The following C2orf72 variants were observed in gnomAD, a reference collection of about 807,000 sequenced individuals.
C2orf72 encodes chromosome 2 open reading frame 72, also known as uncharacterized protein C2orf72.
C2orf72 carries 16 observed loss-of-function variants against 14.4 expected under a neutral mutation model. The observed-to-expected ratio is 1.11, with a 90% CI of 0.75 to 1.69. C2orf72 has a LOEUF of 1.69. C2orf72 is among the 40% of genes most tolerant of loss of function. The pLI is 0.00. For synonymous variants in C2orf72, 168 were observed against 176.8 expected, an observed-to-expected ratio of 0.95 and a Z score of 0.40; for missense variants, 371 against 358.3, an observed-to-expected ratio of 1.04 and a Z score of -0.29.
intron 1 of C2orf72, 65 bp downstream of exon 1, chr2:231,038,264 G>A: frequency 8.8e-7 from 1 of 1,134,552 alleles, no homozygotes. Context: ...CCCCAAGTTG[G>A]ACCCCTTTGG....
rs143182070 is a variant in C2orf72, at chr2:231,043,181, C to T, written c.748+1772C>T. 2.1e-3 allele frequency among the ~76,000 whole-genome samples: 320 copies of T among 152,280 alleles called. 1 individual carries two copies. Among genetic ancestry groups the T allele is most frequent in the Non-Finnish European group, 3.5e-3 (237 of 68,012 alleles). On this transcript the variant is annotated intron_variant, in intron 2 of 2. Transcript: ENST00000373640. ...CCTCCTTCAATCAGCAGGAGAACCC[C>T]GCTCTCCAGTCTGCTAGGAGGGAGT...
intron 2 of C2orf72, among the ~76,000 whole-genome samples, chr2:231,041,877 C>T (rs1354070625): frequency 6.6e-6 from 1 of 152,010 alleles, no homozygotes; most frequent in East Asian, 1.9e-4. Context: ...CTTCGAGAGG[C>T]CCTGGGAGTG....
chr2:231,047,427 A>T lies in C2orf72; in HGVS notation c.*406A>T. ...GAAGAACTCTGAACCAGAAGTCATC[A>T]GAGCTGAGGCATGGCCTTGAACATG... On this transcript the variant is annotated 3_prime_UTR_variant, in exon 3 of 3. Transcript: ENST00000373640. The T allele has an allele frequency of 2.8e-6, 1 of 351,668 alleles. No individual in the cohort carries two copies. Among genetic ancestry groups the T allele is most frequent in the South Asian group, 2.2e-5 (1 of 46,338 alleles). 21.8% of individuals were successfully genotyped at this position (351,668 alleles called of 1,614,324 possible).
intron 2 of C2orf72, among the ~76,000 whole-genome samples, chr2:231,044,364 C>T (rs1485619022): frequency 6.6e-6 from 1 of 151,934 alleles, no homozygotes. Context: ...ATTTTTTGGC[C>T]AGGCATGATG....
At chr2:231,045,108 C>T (rs1693398186) in intron 2 of C2orf72, among the ~76,000 whole-genome samples, 1 of 151,612 alleles carries the variant, frequency 6.6e-6, no homozygotes, top group South Asian at 2.1e-4. Context: ...ACTAAAAATA[C>T]AAAAATTAGC....
At position 231,037,642 on chromosome 2, in the gene C2orf72, C is replaced by T. The variant is rs1319477211; in HGVS notation, c.77C>T (p.Ala26Val). 3.6e-6 allele frequency: 4 copies of T among 1,118,272 alleles called. No individual in the cohort carries two copies. The highest frequency in any genetic ancestry group is 4.4e-6 in the Non-Finnish European group (4 of 911,816). The allele number at this position is 1,118,272 out of a possible 1,614,324, so 69.3% of individuals were successfully genotyped here. ...AEPPFQALVEAAGGRGQVLLV... is the reference protein window; with the variant it reads ...AEPPFQALVEVAGGRGQVLLV... Reference sequence around the variant, plus strand: ...CCGCCCTTCCAGGCGTTGGTGGAAGCGGCGGGGGGCCGCGGGCAGGTGCTG... The same window carrying T: ...CCGCCCTTCCAGGCGTTGGTGGAAGTGGCGGGGGGCCGCGGGCAGGTGCTG... Residue 26 changes from alanine to valine, a missense_variant, in exon 1 of 3, where the codon GCG (alanine) becomes GTG (valine). Physicochemically the swap from Ala to Val is moderately conservative, Grantham distance 64 (BLOSUM62 0). This residue lies in a region of C2orf72 where 214 missense variants were observed against 178.7 expected (regional missense o/e 1.20). Transcript: ENST00000373640.
intron 2 of C2orf72, among the ~76,000 whole-genome samples, chr2:231,044,666 A>ATTTTTTTTTT (rs934535205): frequency 5.2e-5 from 6 of 115,096 alleles, no homozygotes; most frequent in African/African-American, 1.1e-4. Context: ...TCCTATTTTA[A>ATTTTTTTTTT]TTTTTTTTTT....
intron 2 of C2orf72, among the ~76,000 whole-genome samples, chr2:231,044,666 A>ATTT (rs934535205): frequency 0.014 from 1,563 of 115,016 alleles, 30 homozygotes; most frequent in African/African-American, 0.037. Context: ...TCCTATTTTA[A>ATTT]TTTTTTTTTT....
Position 231,039,321 on chromosome 2 carries a change from T to TAAA in C2orf72, c.634+1138_634+1140dup, listed in dbSNP as rs11462715. Among the ~76,000 whole-genome samples, 13 of 126,828 alleles carry TAAA rather than the reference T, an allele frequency of 1.0e-4. No individual in the cohort carries two copies. The East Asian group carries it at 1.2e-3, about 11-fold the overall frequency. 83.2% of individuals were successfully genotyped at this position (126,828 alleles called of 152,430 possible). A position where few individuals can be genotyped will look rare whatever the true frequency, so the allele number is the denominator to read the frequency against. On this transcript the variant is annotated intron_variant, in intron 1 of 2. Coordinates refer to ENST00000373640, the MANE Select transcript of C2orf72 (RefSeq NM_001144994.2). ...ACATGTACCCTAAAACTTAAAGTAT[T>TAAA]AAAAAAAAAAAAAAAAAAGAGTAGC...
Position 231,037,871 on chromosome 2 carries a change from C to G in C2orf72, c.306C>G (p.Ile102Met), listed in dbSNP as rs938674547. The G allele has an allele frequency of 8.2e-6, 8 of 979,514 alleles. No homozygotes were observed. The highest frequency in any genetic ancestry group is 5.4e-5 in the African/African-American group (3 of 55,726). The allele number at this position is 979,514 out of a possible 1,614,324, so 60.7% of individuals were successfully genotyped here. A position where few individuals can be genotyped will look rare whatever the true frequency, so the allele number is the denominator to read the frequency against. Residue 102 changes from isoleucine to methionine, a missense_variant, in exon 1 of 3, where the codon ATC (isoleucine) becomes ATG (methionine). By Grantham distance (10) the Ile-to-Met change is conservative. Coordinates refer to ENST00000373640, the MANE Select transcript of C2orf72 (RefSeq NM_001144994.2). ...CGGCGGCGGCGGCGGCGCGCGCCAT[C>G]CGCTCGCCGCTGGTCTTCGTGCTGT... ...AGAAAAAARA[I>M]RSPLVFVLCR...
At chr2:231,044,909 T>C (rs1693390852) in intron 2 of C2orf72, among the ~76,000 whole-genome samples, 1 of 146,310 alleles carries the variant, frequency 6.8e-6, no homozygotes, top group African/African-American at 2.5e-5. Context: ...TATATATATA[T>C]ATAAACTTTA....
intron 1 of C2orf72, among the ~76,000 whole-genome samples, chr2:231,040,315 C>A (rs1300888540): frequency 6.6e-6 from 1 of 152,210 alleles, no homozygotes; most frequent in Non-Finnish European, 1.5e-5. Flanking sequence ...CATCTGCAGT[C>A]CCATTTCCTG....
At chr2:231,042,832 C>G (rs1693361486) in intron 2 of C2orf72, among the ~76,000 whole-genome samples, 1 of 152,140 alleles carries the variant, frequency 6.6e-6, no homozygotes, top group South Asian at 2.1e-4. Flanking sequence ...TGGTGAAACT[C>G]TATCTCTACT....
In C2orf72 at chr2:231,047,397, G is replaced by T. The variant is rs1315297524; in HGVS notation, c.*376G>T. 1 of 362,300 alleles carries T rather than the reference G, an allele frequency of 2.8e-6. No individual in the cohort carries two copies. Among genetic ancestry groups the T allele is most frequent in the Non-Finnish European group, 5.4e-6 (1 of 184,290 alleles). 22.4% of individuals were successfully genotyped at this position (362,300 alleles called of 1,614,324 possible). A position where few individuals can be genotyped will look rare whatever the true frequency, so the allele number is the denominator to read the frequency against. On this transcript the variant is annotated 3_prime_UTR_variant, in exon 3 of 3. Transcript: ENST00000373640. ...ATGGGCACCCATCGTTGAGAGTGCA[G>T]CTGGGAAGAACTCTGAACCAGAAGT...
Position 231,049,451 on chromosome 2 carries a change from AATCTTG to A in C2orf72, c.*2433_*2438del, listed in dbSNP as rs1489580726. The A allele has an allele frequency of 6.6e-6, 1 of 152,126 alleles. No individual in the cohort carries two copies. The highest frequency in any genetic ancestry group is 1.5e-5 in the Non-Finnish European group (1 of 68,036). 9.4% of individuals were successfully genotyped at this position (152,126 alleles called of 1,614,324 possible). On this transcript the variant is annotated 3_prime_UTR_variant, in exon 3 of 3. Coordinates refer to ENST00000373640, the MANE Select transcript of C2orf72 (RefSeq NM_001144994.2). ...AGAAGAGTTAGGTGCCAGAAAGGAC[AATCTTG>A]ATGGTGGGTCCCCTCCCTGAAGGAC...
In C2orf72 at chr2:231,037,591, C is replaced by T. The variant is rs1456706295; in HGVS notation, c.26C>T (p.Ala9Val). The change falls in exon 1 of 3, where the codon GCG becomes GTG. Residue 9 changes from alanine to valine, a missense_variant. Physicochemically the swap from Ala to Val is moderately conservative, Grantham distance 64. Coordinates refer to ENST00000373640, the MANE Select transcript of C2orf72 (RefSeq NM_001144994.2). MERELEAL[A>V]ARLARPAEPP... is the part of the protein sequence containing the mutation. ...ATGGAGCGCGAGCTGGAGGCGCTGGCGGCCCGGCTTGCGCGCCCTGCCGAG... is the reference window on the plus strand; with the variant it reads ...ATGGAGCGCGAGCTGGAGGCGCTGGTGGCCCGGCTTGCGCGCCCTGCCGAG... The T allele has an allele frequency of 1.9e-6, 2 of 1,064,716 alleles. No individual in the cohort carries two copies. Among genetic ancestry groups the T allele is most frequent in the African/African-American group, 3.5e-5 (2 of 57,472 alleles). 66.0% of individuals were successfully genotyped at this position (1,064,716 alleles called of 1,614,324 possible).
chr2:231,038,226 C>T, intron 1 of C2orf72, 27 bp downstream of exon 1: 2 of 1,177,334 alleles, frequency 1.7e-6, no homozygotes, highest in Non-Finnish European at 2.1e-6. Context: ...CCCGGCTGGG[C>T]GCGGGCGGGC....
chr2:231,040,495 A>G (rs949440043), intron 1 of C2orf72, among the ~76,000 whole-genome samples: 2 of 152,244 alleles, frequency 1.3e-5, no homozygotes, highest in African/African-American at 4.8e-5. Flanking sequence ...CAAATGACTA[A>G]AGGTCGTGAG....
chr2:231,037,785 G>C lies in C2orf72; in HGVS notation c.220G>C (p.Ala74Pro). 1.0e-6 allele frequency: 1 copy of C among 985,826 alleles called. No homozygotes were observed. Among genetic ancestry groups the C allele is most frequent in the Non-Finnish European group, 1.2e-6 (1 of 831,634 alleles). The allele number at this position is 985,826 out of a possible 1,614,324, so 61.1% of individuals were successfully genotyped here. A position where few individuals can be genotyped will look rare whatever the true frequency, so the allele number is the denominator to read the frequency against. ...GCCGGGCGGCGCGGCGGCAGAGGGCGCGGGGCCCGGGGCGGCGCGCGGGGC... is the reference window on the plus strand; with the variant it reads ...GCCGGGCGGCGCGGCGGCAGAGGGCCCGGGGCCCGGGGCGGCGCGCGGGGC... ...AKPGGAAAEG[A>P]GPGAARGAQR... Residue 74 changes from alanine to proline, a missense_variant, in exon 1 of 3, where the codon GCG (alanine) becomes CCG (proline). Transcript: ENST00000373640.
Sources: allele counts gnomAD v4.1 joint callset (sites outside exome capture counted in the v4.1 genomes callset), GRCh38; gene constraint gnomAD v4.1.1; regional missense constraint gnomAD v4.1.1; transcripts MANE v1.5; gene names NCBI Gene and HGNC (gene_info 2026-07-23, HGNC 2026-07-21).